Variants in KIT observed in about 807,000 individuals in gnomAD.
KIT encodes KIT proto-oncogene, receptor tyrosine kinase.
In KIT, 16 loss-of-function variants were observed where a neutral mutation model predicts 105.7. The observed-to-expected ratio is 0.15, with a 90% CI of 0.10 to 0.23. The LOEUF is 0.23. KIT is among the 10% of genes least tolerant of loss of function. KIT has a pLI of 1.00. For missense variants in KIT, 858 were observed against 1,213.8 expected (o/e 0.71, Z 4.36); for synonymous variants, 438 against 441.1 (o/e 0.99, Z 0.09).
chr4:54,682,996 C>T (rs1026016255), intron 1 of KIT, among the ~76,000 whole-genome samples: 7 of 151,628 alleles, frequency 4.6e-5, no homozygotes, highest in South Asian at 2.1e-4. Context: ...AAGTGATCCT[C>T]CCGCCTCAGC....
chr4:54,666,424 C>T (rs1209616151), intron 1 of KIT, among the ~76,000 whole-genome samples: 2 of 152,078 alleles, frequency 1.3e-5, no homozygotes, highest in Non-Finnish European at 2.9e-5. Flanking sequence ...GGACTACAGG[C>T]GCACGCCACC....
At chr4:54,686,013 A>G (rs550511814) in intron 1 of KIT, among the ~76,000 whole-genome samples, 76 of 152,278 alleles carry the variant, frequency 5.0e-4, no homozygotes, top group African/African-American at 1.8e-3. Context: ...CCTTCTTTGT[A>G]TTCCCAGGCC....
In KIT at chr4:54,722,479, A is replaced by C. The variant is rs553570752; in HGVS notation, c.1232-1105A>C. ...AGTTCAAAGAACTGAGAAATGTAAG[A>C]GCTGGTATTCAGATGTGTCCACTAT... On this transcript the variant is annotated intron_variant, in intron 7 of 20. Transcript: ENST00000288135. 1.7e-3 allele frequency among the ~76,000 whole-genome samples: 256 copies of C among 152,258 alleles called. 1 individual carries two copies. The highest frequency in any genetic ancestry group is 6.0e-3 in the African/African-American group (249 of 41,568).
intron 20 of KIT, 97 bp downstream of exon 20, chr4:54,737,377 C>T (rs1230724022): frequency 1.2e-6 from 1 of 825,036 alleles, no homozygotes; most frequent in Non-Finnish European, 2.1e-6. Flanking sequence ...CCTCCCAACC[C>T]CTTCTCTCCT....
intron 1 of KIT, among the ~76,000 whole-genome samples, chr4:54,662,289 C>G (rs376108494): frequency 6.6e-6 from 1 of 152,168 alleles, no homozygotes; most frequent in Non-Finnish European, 1.5e-5. Context: ...GGCTTCATGA[C>G]TGACAGCTTG....
intron 3 of KIT, 28 bp downstream of exon 3, chr4:54,698,593 G>C: frequency 4.3e-6 from 7 of 1,612,830 alleles, no homozygotes; most frequent in Non-Finnish European, 5.9e-6. Context: ...TCTGCCTCTG[G>C]GAGTTGAGAA....
chr4:54,671,928 TATTTTCA>T (rs1185658909), intron 1 of KIT, among the ~76,000 whole-genome samples: 1 of 152,204 alleles, frequency 6.6e-6, no homozygotes, highest in Non-Finnish European at 1.5e-5. Flanking sequence ...CATCTATAAA[TATTTTCA>T]GTATGTAGTC....
chr4:54,719,541 T>C (rs1721726013), intron 7 of KIT, among the ~76,000 whole-genome samples: 1 of 148,924 alleles, frequency 6.7e-6, no homozygotes. Context: ...ATGACTCAGG[T>C]CCATGATGTT....
Position 54,729,413 on chromosome 4 carries a change from T to C in KIT, c.2069T>C (p.Ile690Thr). 1 of 1,613,836 alleles carries C rather than the reference T, an allele frequency of 6.2e-7. No individual in the cohort carries two copies. The highest frequency in any genetic ancestry group is 1.3e-5 in the African/African-American group (1 of 75,048). Residue 690 changes from isoleucine (I) to threonine (T), a missense_variant, in exon 14 of 21, where the codon ATT becomes ACT. Ile to Thr is a moderately conservative substitution (Grantham distance 89). Transcript: ENST00000288135. ...NFLRRKRDSF[I>T]CSKQEDHAEA... ...TTGAGAAGAAAACGTGATTCATTTA[T>C]TTGTTCAAAGCAGGAAGATCATGCA...
intron 1 of KIT, among the ~76,000 whole-genome samples, chr4:54,683,358 C>T (rs896429766): frequency 6.6e-6 from 1 of 152,020 alleles, no homozygotes; most frequent in Non-Finnish European, 1.5e-5. Context: ...CAGTTATGGC[C>T]GGGCGCGGTG....
intron 7 of KIT, among the ~76,000 whole-genome samples, chr4:54,714,125 G>C: frequency 6.6e-6 from 1 of 152,170 alleles, no homozygotes; most frequent in East Asian, 1.9e-4. Flanking sequence ...CAAATTCTTA[G>C]ATCTGAAATG....
intron 1 of KIT, among the ~76,000 whole-genome samples, chr4:54,678,959 C>T (rs1013905389): frequency 4.0e-5 from 6 of 151,164 alleles, no homozygotes; most frequent in African/African-American, 1.5e-4. Context: ...CTTTGCTGTG[C>T]CCCCTTGAAG....
intron 7 of KIT, among the ~76,000 whole-genome samples, chr4:54,715,329 A>G (rs1337788448): frequency 6.6e-6 from 1 of 151,186 alleles, no homozygotes; most frequent in Non-Finnish European, 1.5e-5. Context: ...CCAACCAGAA[A>G]TGATCCCAGG....
At chr4:54,694,384 C>T (rs941258000) in intron 1 of KIT, among the ~76,000 whole-genome samples, 2 of 152,146 alleles carry the variant, frequency 1.3e-5, no homozygotes, top group Non-Finnish European at 2.9e-5. Context: ...CAGAGTCTTA[C>T]TCTGTCACTC....
intron 1 of KIT, among the ~76,000 whole-genome samples, chr4:54,677,188 T>C (rs567226748): frequency 6.6e-6 from 1 of 152,204 alleles, no homozygotes; most frequent in African/African-American, 2.4e-5. Context: ...ACACATGGGC[T>C]GGTTAATATA....
At position 54,673,376 on chromosome 4, in the gene KIT, G is replaced by A. The variant is rs145570093; in HGVS notation, c.67+15295G>A. Among the ~76,000 whole-genome samples the A allele has an allele frequency of 8.1e-3, 1,233 of 152,094 alleles. 4 individuals are homozygous for A. Among genetic ancestry groups the A allele is most frequent in the Non-Finnish European group, 0.015 (1,000 of 67,982 alleles). On this transcript the variant is annotated intron_variant, in intron 1 of 20. Coordinates refer to ENST00000288135, the MANE Select transcript of KIT (RefSeq NM_000222.3). Reference sequence around the variant, plus strand: ...GAATTGAAAAATTTTCCTCCTTTCCGTCTTCTGGTTCATTTAAGACACTGT... The same window carrying A: ...GAATTGAAAAATTTTCCTCCTTTCCATCTTCTGGTTCATTTAAGACACTGT...
intron 3 of KIT, 129 bp downstream of exon 3, chr4:54,698,694 A>G (rs1475532614): frequency 7.8e-6 from 8 of 1,031,548 alleles, no homozygotes; most frequent in Non-Finnish European, 1.2e-5. Context: ...CCCAGCTTCA[A>G]AAAATGTCAT....
chr4:54,707,429 T>C (rs1720862796), intron 6 of KIT, 142 bp downstream of exon 6: 3 of 665,936 alleles, frequency 4.5e-6, no homozygotes, highest in Non-Finnish European at 8.0e-6. Flanking sequence ...TATGTCCTCA[T>C]CCTAGTATTC....
At chr4:54,712,082 A>T (rs531674731) in intron 7 of KIT, among the ~76,000 whole-genome samples, 1 of 152,184 alleles carries the variant, frequency 6.6e-6, no homozygotes, top group East Asian at 1.9e-4. Context: ...CATATTGTTC[A>T]TACAGAATTT....
Sources: gnomAD v4.1 joint callset for allele counts (sites outside exome capture counted in the v4.1 genomes callset) on GRCh38, gnomAD v4.1.1 for gene constraint, MANE v1.5 for transcripts, NCBI Gene and HGNC (gene_info 2026-07-23, HGNC 2026-07-21) for gene names.